RBFOX1: variants seen among roughly 807,000 people sequenced by gnomAD.
The protein encoded by RBFOX1 is RNA binding protein fox-1 homolog 1.
In RBFOX1, 8 loss-of-function variants were observed where a neutral mutation model predicts 57.7. The observed-to-expected ratio is 0.14, with a 90% CI of 0.08 to 0.25. The LOEUF (loss-of-function observed/expected upper bound fraction) is 0.25. Ranked by LOEUF, RBFOX1 falls within the 10% of genes least tolerant of loss-of-function variation. RBFOX1 has a pLI of 1.00. For missense variants in RBFOX1, 611 were observed against 548.5 expected, an observed-to-expected ratio of 1.11 and a Z score of -1.14; for synonymous variants, 326 against 222.4, an observed-to-expected ratio of 1.47 and a Z score of -4.15.
intron 4 of RBFOX1, among the ~76,000 whole-genome samples, chr16:7,436,205 T>C (rs2098720221): frequency 6.6e-6 from 1 of 152,240 alleles, no homozygotes; most frequent in South Asian, 2.1e-4. Context: ...GAAGTCATTC[T>C]ATTCTTATTG....
intron 3 of RBFOX1, among the ~76,000 whole-genome samples, chr16:5,859,299 A>G (rs909399796): frequency 3.3e-5 from 5 of 152,184 alleles, no homozygotes; most frequent in African/African-American, 9.7e-5. Context: ...AGATGTTAGG[A>G]CTTCTGCTAC....
At chr16:6,000,712 G>C (rs1170791086) in intron 4 of RBFOX1, among the ~76,000 whole-genome samples, 1 of 151,324 alleles carries the variant, frequency 6.6e-6, no homozygotes, top group Non-Finnish European at 1.5e-5. Context: ...TGGGTTGGTG[G>C]ATGGGTAGAT....
At chr16:7,026,522 C>T (rs1597367010) in intron 3 of RBFOX1, among the ~76,000 whole-genome samples, 2 of 152,136 alleles carry the variant, frequency 1.3e-5, no homozygotes, top group East Asian at 1.9e-4. Context: ...TTCTATCTCT[C>T]TCACACACAT....
intron 3 of RBFOX1, among the ~76,000 whole-genome samples, chr16:6,991,847 G>A (rs1359275414): frequency 6.6e-6 from 1 of 152,132 alleles, no homozygotes; most frequent in African/African-American, 2.4e-5. Context: ...GCCCACTTCT[G>A]AAATGTTAAT....
chr16:6,503,657 G>A (rs1286164530), intron 2 of RBFOX1, among the ~76,000 whole-genome samples: 2 of 152,146 alleles, frequency 1.3e-5, no homozygotes, highest in African/African-American at 2.4e-5. Flanking sequence ...GGACCCCAGT[G>A]CAGCAGTGTA....
chr16:6,705,007 C>T (rs936080665), intron 3 of RBFOX1: 5 of 151,916 alleles, frequency 3.3e-5, no homozygotes, highest in East Asian at 1.9e-4. Context: ...AACTTTAATC[C>T]GGAACCTTGG....
At chr16:7,094,439 A>C (rs2061357556) in intron 4 of RBFOX1, among the ~76,000 whole-genome samples, 2 of 152,154 alleles carry the variant, frequency 1.3e-5, no homozygotes. Flanking sequence ...GAAAGCTTTG[A>C]AAATGATTTG....
At chr16:6,270,586 G>A (rs2075092739) in intron 1 of RBFOX1, among the ~76,000 whole-genome samples, 1 of 151,660 alleles carries the variant, frequency 6.6e-6, no homozygotes, top group African/African-American at 2.4e-5. Flanking sequence ...AATATATGAA[G>A]AAAGAAATAT....
chr16:6,986,424 C>G (rs537832400), intron 3 of RBFOX1, among the ~76,000 whole-genome samples: 2 of 152,026 alleles, frequency 1.3e-5, no homozygotes, highest in Non-Finnish European at 2.9e-5. Context: ...GTCTGGAACT[C>G]CTGACCTCAA....
chr16:6,716,156 C>T (rs1238211759), intron 3 of RBFOX1, among the ~76,000 whole-genome samples: 1 of 152,152 alleles, frequency 6.6e-6, no homozygotes. Flanking sequence ...AGATAGGTTG[C>T]TTTATTTGTA....
At chr16:6,678,888 A>G (rs145390763) in intron 3 of RBFOX1, among the ~76,000 whole-genome samples, 2 of 152,294 alleles carry the variant, frequency 1.3e-5, no homozygotes, top group East Asian at 3.9e-4. Context: ...CAAGTGTAGC[A>G]TGAATTCCAC....
chr16:7,520,490 C>G (rs904941609), intron 5 of RBFOX1, among the ~76,000 whole-genome samples: 4 of 152,164 alleles, frequency 2.6e-5, no homozygotes, highest in Admixed American at 2.0e-4. Flanking sequence ...TTGTGTCTGG[C>G]TTCTTTCTCT....
chr16:7,657,633 C>G (rs560710313), intron 12 of RBFOX1, among the ~76,000 whole-genome samples: 18 of 152,218 alleles, frequency 1.2e-4, no homozygotes, highest in Non-Finnish European at 1.8e-4. Flanking sequence ...ATTGATTTGC[C>G]TTTTCCTTCC....
intron 2 of RBFOX1, among the ~76,000 whole-genome samples, chr16:5,557,901 G>A (rs547041013): frequency 6.6e-6 from 1 of 152,322 alleles, no homozygotes; most frequent in South Asian, 2.1e-4. Flanking sequence ...AACAGCTGAA[G>A]GTCAGAACCA....
At chr16:6,970,201 C>CA (rs1279447790) in intron 3 of RBFOX1, among the ~76,000 whole-genome samples, 1 of 151,586 alleles carries the variant, frequency 6.6e-6, no homozygotes, top group Non-Finnish European at 1.5e-5. Flanking sequence ...AAGAAAGAAA[C>CA]AAAAAACCCC....
At chr16:7,302,735 G>A (rs1354130631) in intron 4 of RBFOX1, among the ~76,000 whole-genome samples, 2 of 126,778 alleles carry the variant, frequency 1.6e-5, no homozygotes, top group African/African-American at 2.8e-5. Flanking sequence ...AAGAATGCAA[G>A]AATGTGCTTT....
intron 4 of RBFOX1, among the ~76,000 whole-genome samples, chr16:7,385,993 G>C (rs1352747006): frequency 6.6e-6 from 1 of 150,466 alleles, no homozygotes; most frequent in Non-Finnish European, 1.5e-5. Flanking sequence ...GTTTCACCAT[G>C]TTGGCCAGGC....
intron 4 of RBFOX1, among the ~76,000 whole-genome samples, chr16:7,096,397 C>T (rs8057337): frequency 0.23 from 34,342 of 152,066 alleles, 4,693 homozygotes; most frequent in East Asian, 0.41. Context: ...CCGTGTCCCC[C>T]AGCAGGATGT....
At chr16:7,676,316 T>C (rs1025848008) in intron 13 of RBFOX1, among the ~76,000 whole-genome samples, 1 of 152,194 alleles carries the variant, frequency 6.6e-6, no homozygotes, top group Non-Finnish European at 1.5e-5. Context: ...AAGGGTGATT[T>C]AATAAATATA....
Sources: allele counts gnomAD v4.1 joint callset (sites outside exome capture counted in the v4.1 genomes callset), GRCh38; gene constraint gnomAD v4.1.1; transcripts MANE v1.5; gene names NCBI Gene and HGNC (gene_info 2026-07-23, HGNC 2026-07-21).